The following RNF10 variants were observed in gnomAD, a reference collection of about 807,000 sequenced individuals.
RNF10 encodes the protein E3 ubiquitin-protein ligase RNF10.
RNF10 carries 38 observed loss-of-function variants against 91.4 expected under a neutral mutation model. The ratio of observed to expected loss-of-function variants is 0.42; its 90% CI spans 0.32 to 0.54. The LOEUF (loss-of-function observed/expected upper bound fraction) is 0.54, where lower values mean the gene tolerates loss of function less well. RNF10 is among the 20% of genes least tolerant of loss of function. RNF10 has a pLI of 0.16. For missense variants in RNF10, 945 were observed against 1,012.0 expected (o/e 0.93, Z 0.90); for synonymous variants, 364 against 366.3 (o/e 0.99, Z 0.07).
In RNF10 at chr12:120,563,595, C is replaced by G; in HGVS notation, c.1503C>G (p.Ser501Arg). Reference protein sequence around the residue: ...PITKSGFTRLSSSPCYYFYQA... With the variant: ...PITKSGFTRLRSSPCYYFYQA... The stretch of plus-strand genomic sequence containing the variant: ...CCAAGTCAGGCTTCACACGCCTCAG[C>G]AGCTCTCCTTGTTACTACTTTTACC... Residue 501 changes from serine to arginine, a missense_variant, in exon 9 of 17, where the codon AGC becomes AGG. By Grantham distance (110) the Ser-to-Arg change is moderately radical. Coordinates refer to ENST00000325954, the MANE Select transcript of RNF10 (RefSeq NM_014868.5). The G allele has an allele frequency of 6.2e-7, 1 of 1,608,158 alleles. No individual in the cohort carries two copies. Among genetic ancestry groups the G allele is most frequent in the Non-Finnish European group, 8.5e-7 (1 of 1,176,850 alleles).
At chr12:120,546,371 T>G (rs762526605) in intron 1 of RNF10, 34 bp from the exon 2 acceptor site, 12 of 1,592,042 alleles carry the variant, frequency 7.5e-6, no homozygotes, top group Middle Eastern at 1.7e-4. Flanking sequence ...TGTATCAGCT[T>G]CTTAAGACGT....
Position 120,557,329 on chromosome 12 carries a change from A to T in RNF10, c.693A>T (p.Pro231=). Reference sequence around the variant, plus strand: ...CATCTTGCCCAATATGCCTCTATCCACCTACTGCAGCCAAGATAACCCGTT... The same window carrying T: ...CATCTTGCCCAATATGCCTCTATCCTCCTACTGCAGCCAAGATAACCCGTT... ...EVPSCPICLY[P]PTAAKITRCG... The change falls in exon 5 of 17, where the codon CCA becomes CCT. Residue 231 remains proline, a synonymous_variant. Transcript: ENST00000325954. 1 of 1,614,132 alleles carries T rather than the reference A, an allele frequency of 6.2e-7. No homozygotes were observed. Among genetic ancestry groups the T allele is most frequent in the East Asian group, 2.2e-5 (1 of 44,876 alleles).
intron 3 of RNF10, among the ~76,000 whole-genome samples, chr12:120,553,460 T>C (rs1873474432): frequency 6.8e-6 from 1 of 147,300 alleles, no homozygotes; most frequent in Non-Finnish European, 1.5e-5. Flanking sequence ...TGGAGTGCAG[T>C]GGCACGATCT....
intron 13 of RNF10, among the ~76,000 whole-genome samples, chr12:120,568,242 CAA>C (rs938071852): frequency 7.6e-6 from 1 of 131,588 alleles, no homozygotes. Flanking sequence ...CAGACCCTCT[CAA>C]AAAAAAAAAG....
At chr12:120,576,494 T>C in intron 16 of RNF10, 96 bp from the exon 17 acceptor site, 1 of 1,509,084 alleles carries the variant, frequency 6.6e-7, no homozygotes, top group African/African-American at 1.4e-5. Context: ...GAGCCTCCAC[T>C]CTTAGCTCCC....
chr12:120,534,741 G>C lies in RNF10; in HGVS notation c.-71G>C. 6.8e-7 allele frequency: 1 copy of C among 1,461,324 alleles called. No individual in the cohort carries two copies. Among genetic ancestry groups the C allele is most frequent in the Non-Finnish European group, 8.9e-7 (1 of 1,118,838 alleles). The allele number at this position is 1,461,324 out of a possible 1,614,324, so 90.5% of individuals were successfully genotyped here. A position where few individuals can be genotyped will look rare whatever the true frequency, so the allele number is the denominator to read the frequency against. On this transcript the variant is annotated 5_prime_UTR_variant, in exon 1 of 17. Coordinates refer to ENST00000325954, the MANE Select transcript of RNF10 (RefSeq NM_014868.5). ...GCCGCCGCCGACCCCCGCCGGCCCTGAACGCCATGAGCCTGGGTCCCCGCC... is the reference window on the plus strand; with the variant it reads ...GCCGCCGCCGACCCCCGCCGGCCCTCAACGCCATGAGCCTGGGTCCCCGCC...
Position 120,536,262 on chromosome 12 carries a change from G to GA in RNF10, c.157+1306dup, listed in dbSNP as rs574435683. Among the ~76,000 whole-genome samples, 202 of 144,010 alleles carry GA rather than the reference G, an allele frequency of 1.4e-3. 2 individuals are homozygous for GA. In the South Asian group the frequency reaches 0.029, roughly 21 times the overall value. The allele number at this position is 144,010 out of a possible 152,430, so 94.5% of individuals were successfully genotyped here. A position where few individuals can be genotyped will look rare whatever the true frequency, so the allele number is the denominator to read the frequency against. On this transcript the variant is annotated intron_variant, in intron 1 of 16. Coordinates refer to ENST00000325954, the MANE Select transcript of RNF10 (RefSeq NM_014868.5). ...GATAGTAAGACCCTCGTCTCCATAAGAAAAAAAAAAAATTAGCCGAGTGTG... is the reference window on the plus strand; with the variant it reads ...GATAGTAAGACCCTCGTCTCCATAAGAAAAAAAAAAAAATTAGCCGAGTGTG...
rs898008341 is a variant in RNF10 at position 120,536,205 on chromosome 12, T to TG, written c.157+1238dup. ...GGGAGGCTGAGGTGGGAGGATAGCT[T>TG]GAGCCCAGGAGTTTCACACCAGCTT... On this transcript the variant is annotated intron_variant, in intron 1 of 16. Coordinates refer to ENST00000325954, the MANE Select transcript of RNF10 (RefSeq NM_014868.5). Among the ~76,000 whole-genome samples, 3 of 152,034 alleles carry TG rather than the reference T, an allele frequency of 2.0e-5. No homozygotes were observed. In the East Asian group the frequency reaches 5.8e-4, roughly 29 times the overall value.
At chr12:120,534,989 G>T in intron 1 of RNF10, 21 bp downstream of exon 1, 1 of 1,574,830 alleles carries the variant, frequency 6.3e-7, no homozygotes, top group Non-Finnish European at 8.6e-7. Flanking sequence ...GCCTGCGGCA[G>T]TGGGCGGGGG....
At chr12:120,554,678 TC>T (rs1873688185) in intron 3 of RNF10, 39 bp from the exon 4 acceptor site, 4 of 1,464,352 alleles carry the variant, frequency 2.7e-6, no homozygotes, top group Non-Finnish European at 3.8e-6. Flanking sequence ...TATTGGTAGA[TC>T]CTGACAGTCT....
At chr12:120,551,380 T>C (rs1184538) in intron 2 of RNF10, among the ~76,000 whole-genome samples, 81,069 of 144,798 alleles carry the variant, frequency 0.56, 24,585 homozygotes, top group East Asian at 0.77. Flanking sequence ...CTGCAACCTC[T>C]GCCTCTCGGG....
chr12:120,548,652 T>C (rs1872633271), intron 2 of RNF10, among the ~76,000 whole-genome samples: 1 of 146,986 alleles, frequency 6.8e-6, no homozygotes, highest in African/African-American at 2.4e-5. Context: ...GAGGGATTTT[T>C]TTTCTTTCTT....
chr12:120,546,477 T>A lies in RNF10; in HGVS notation c.230T>A (p.Phe77Tyr). 6.2e-7 allele frequency: 1 copy of A among 1,614,172 alleles called. No individual in the cohort carries two copies. The highest frequency in any genetic ancestry group is 8.5e-7 in the Non-Finnish European group (1 of 1,180,016). The change falls in exon 2 of 17, where the codon TTT becomes TAT. Residue 77 changes from phenylalanine to tyrosine, a missense_variant. Transcript: ENST00000325954. ...CTTTCCTACCCCAAAAATGAAAGTT[T>A]TAACAACCAGTCCCGTCGCTCCAGT... Reference protein sequence around the residue: ...RELSYPKNESFNNQSRRSSSQ... With the variant: ...RELSYPKNESYNNQSRRSSSQ...
intron 1 of RNF10, 134 bp from the exon 2 acceptor site, chr12:120,546,271 T>G (rs1037113523): frequency 1.4e-6 from 1 of 716,030 alleles, no homozygotes; most frequent in African/African-American, 1.8e-5. Context: ...GCACTCATGC[T>G]CTGGCCCAAA....
chr12:120,563,771 T>C (rs370715751), intron 9 of RNF10, 39 bp from the exon 10 acceptor site: 5 of 1,609,362 alleles, frequency 3.1e-6, no homozygotes, highest in Non-Finnish European at 4.2e-6. Context: ...TCCTGGGGAC[T>C]GGCCAAGACT....
Position 120,534,985 on chromosome 12 carries a change from G to T in RNF10, c.157+17G>T, listed in dbSNP as rs750046793. The T allele has an allele frequency of 1.3e-6, 2 of 1,582,224 alleles. No homozygotes were observed. The highest frequency in any genetic ancestry group is 1.8e-5 in the Admixed American group (1 of 56,848). ...CCAAGAGCGGTAAGGACGGGCCTGC[G>T]GCAGTGGGCGGGGGCGACTGCCCCT... is the stretch of plus-strand genomic sequence containing the variant. On this transcript the variant is annotated intron_variant, in intron 1 of 16. Coordinates refer to ENST00000325954, the MANE Select transcript of RNF10 (RefSeq NM_014868.5).
rs145343225 is a variant in RNF10 at position 120,563,042 on chromosome 12, C to T, written c.1226C>T (p.Ala409Val). Residue 409 changes from alanine to valine, a missense_variant, in exon 8 of 17, where the codon GCG becomes GTG. Coordinates refer to ENST00000325954, the MANE Select transcript of RNF10 (RefSeq NM_014868.5). ...LEQLVLMAPLAKESVFQPRKG... is the reference protein window; with the variant it reads ...LEQLVLMAPLVKESVFQPRKG... ...CAACTGGTGCTGATGGCTCCCTTGG[C>T]GAAGGAGTCTGTTTTTCAACCCAGG... is the stretch of plus-strand genomic sequence containing the variant. 6.6e-5 allele frequency: 107 copies of T among 1,613,886 alleles called. No homozygotes were observed. The highest frequency in any genetic ancestry group is 8.0e-5 in the Non-Finnish European group (94 of 1,179,992).
At chr12:120,559,762 C>T (rs1565960558) in intron 6 of RNF10, among the ~76,000 whole-genome samples, 1 of 151,904 alleles carries the variant, frequency 6.6e-6, no homozygotes, top group Non-Finnish European at 1.5e-5. Flanking sequence ...ATGGTGCGAT[C>T]TTGGCTCACT....
intron 10 of RNF10, 27 bp from the exon 11 acceptor site, chr12:120,565,045 T>G: frequency 8.2e-5 from 124 of 1,509,052 alleles, no homozygotes; most frequent in Non-Finnish European, 1.1e-4. Context: ...TTGCTTTTGT[T>G]GAGTATTGGT....
Sources: gnomAD v4.1 joint callset for allele counts (sites outside exome capture counted in the v4.1 genomes callset) on GRCh38, gnomAD v4.1.1 for gene constraint, MANE v1.5 for transcripts, NCBI Gene and HGNC (gene_info 2026-07-23, HGNC 2026-07-21) for gene names.